The following USH1C variants were observed in gnomAD, a reference collection of about 807,000 sequenced individuals.
USH1C encodes USH1 protein network component harmonin.
A neutral mutation model predicts 119.3 loss-of-function variants in USH1C; 90 were observed. The observed-to-expected ratio is 0.75, with a 90% confidence interval of 0.64 to 0.90. USH1C has a LOEUF of 0.90. Among genes scored for constraint, USH1C ranks in the 40% least tolerant of loss-of-function variants. The probability of loss-of-function intolerance (pLI) is 0.00; values close to 1 mark genes in which losing one functional copy is unlikely to be tolerated. For synonymous variants in USH1C, 465 were observed against 443.3 expected (o/e 1.05, Z -0.62); for missense variants, 1,165 against 1,167.7 (o/e 1.00, Z 0.03).
chr11:17,526,627 C>A, intron 7 of USH1C, 126 bp downstream of exon 7: 1 of 1,221,740 alleles, frequency 8.2e-7, no homozygotes, highest in South Asian at 1.3e-5. Context: ...GGTGTGCTGG[C>A]TGCCCTGGGA....
intron 1 of USH1C, among the ~76,000 whole-genome samples, chr11:17,540,508 C>G (rs1851420247): frequency 6.6e-6 from 1 of 152,164 alleles, no homozygotes; most frequent in Non-Finnish European, 1.5e-5. Context: ...CCCCCAAGGA[C>G]CTACCGATGC....
In USH1C at chr11:17,522,054, A is replaced by G. The variant is rs531335317; in HGVS notation, c.1020-643T>C. On this transcript the variant is annotated intron_variant, in intron 12 of 26. Transcript: ENST00000005226. Reference sequence around the variant, plus strand: ...CACCATGCTGGCCAGGCTGGTCTCGAACTCCTGACCTCAGATGATCTGCCG... The same window carrying G: ...CACCATGCTGGCCAGGCTGGTCTCGGACTCCTGACCTCAGATGATCTGCCG... 2.0e-5 allele frequency among the ~76,000 whole-genome samples: 3 copies of G among 152,180 alleles called. No homozygotes were observed. In the East Asian group the frequency reaches 5.8e-4, roughly 29 times the overall value.
At chr11:17,524,338 A>G in intron 9 of USH1C, 113 bp downstream of exon 9, 1 of 1,152,670 alleles carries the variant, frequency 8.7e-7, no homozygotes, top group South Asian at 1.3e-5. Context: ...CTACTCCCTC[A>G]GTGTCCACTG....
intron 25 of USH1C, 106 bp downstream of exon 25, chr11:17,496,652 G>C: frequency 7.2e-7 from 1 of 1,391,324 alleles, no homozygotes; most frequent in South Asian, 1.2e-5. Context: ...GCGTGCTTGG[G>C]CCATTCCTTC....
chr11:17,512,305 C>G (rs1849929970), intron 15 of USH1C, among the ~76,000 whole-genome samples: 1 of 152,286 alleles, frequency 6.6e-6, no homozygotes, highest in Non-Finnish European at 1.5e-5. Context: ...AGCTGTGTGG[C>G]CTTGGCTAAG....
intron 4 of USH1C, among the ~76,000 whole-genome samples, chr11:17,527,645 C>T (rs1003691190): frequency 6.6e-6 from 1 of 152,166 alleles, no homozygotes; most frequent in South Asian, 2.1e-4. Context: ...CTCTAGTGCC[C>T]CTTTCACTCC....
At chr11:17,541,364 C>G (rs928040675) in intron 1 of USH1C, among the ~76,000 whole-genome samples, 2 of 152,190 alleles carry the variant, frequency 1.3e-5, no homozygotes, top group African/African-American at 4.8e-5. Context: ...ATATTAAGGG[C>G]TCAGTCAATA....
Position 17,522,819 on chromosome 11 carries a change from G to A in USH1C, c.984C>T (p.Asn328=), listed in dbSNP as rs1328527104. 6.2e-7 allele frequency: 1 copy of A among 1,614,000 alleles called. No homozygotes were observed. The highest frequency in any genetic ancestry group is 8.5e-7 in the Non-Finnish European group (1 of 1,179,996). ...LMQKRLAMES[N]KILQEQQEME... is the part of the protein sequence containing the mutation. ...TCTCCTGCTGCTCCTGGAGGATCTT[G>A]TTGGACTCCATCGCCAGCCGCTTCT... is the stretch of plus-strand genomic sequence containing the variant. The change falls in exon 12 of 27, where the codon AAC becomes AAT. Residue 328 remains asparagine (N), a synonymous_variant. Transcript: ENST00000005226.
chr11:17,517,465 C>T lies in USH1C; in HGVS notation c.1211-1175G>A, dbSNP rs143923730. On this transcript the variant is annotated intron_variant, in intron 14 of 26. Coordinates refer to ENST00000005226, the MANE Select transcript of USH1C (RefSeq NM_153676.4). ...TGCGGGCTCGAGCTCAGGTTCCACT[C>T]CCTGATCATCTACCCAGGGAAAAGA... The T allele has an allele frequency of 9.5e-5, 152 of 1,592,746 alleles. 1 individual carries two copies. In the East Asian group the frequency reaches 1.8e-3, roughly 19 times the overall value.
chr11:17,523,552 C>G (rs1458603706), intron 9 of USH1C, 74 bp from the exon 10 acceptor site: 2 of 1,465,020 alleles, frequency 1.4e-6, no homozygotes, highest in Non-Finnish European at 1.9e-6. Flanking sequence ...ACAGGCTCCC[C>G]CAGGGGCTCT....
Position 17,505,961 on chromosome 11 carries a change from G to C in USH1C, c.2014-12C>G. On this transcript the variant is annotated splice_polypyrimidine_tract_variant and intron_variant, in intron 18 of 26. Coordinates refer to ENST00000005226, the MANE Select transcript of USH1C (RefSeq NM_153676.4). Reference sequence around the variant, plus strand: ...CTTGGGCAAAATGTCTAAGGAGTTAGTTTAACAGGGACCCAGGTGAGGTCA... The same window carrying C: ...CTTGGGCAAAATGTCTAAGGAGTTACTTTAACAGGGACCCAGGTGAGGTCA... 1 of 1,614,190 alleles carries C rather than the reference G, an allele frequency of 6.2e-7. No homozygotes were observed. Among genetic ancestry groups the C allele is most frequent in the Non-Finnish European group, 8.5e-7 (1 of 1,180,030 alleles).
At chr11:17,498,956 C>A (rs930662046) in intron 23 of USH1C, among the ~76,000 whole-genome samples, 2 of 152,212 alleles carry the variant, frequency 1.3e-5, no homozygotes, top group Non-Finnish European at 2.9e-5. Context: ...AATAGGACCT[C>A]AGTAGATATT....
At chr11:17,511,391 G>C (rs1265143278) in intron 16 of USH1C, among the ~76,000 whole-genome samples, 1 of 152,100 alleles carries the variant, frequency 6.6e-6, no homozygotes, top group Non-Finnish European at 1.5e-5. Context: ...GAGTGATTCA[G>C]ACTCGTAGAC....
Position 17,509,424 on chromosome 11 carries a change from C to T in USH1C, c.1945G>A (p.Ala649Thr). ...GTGGGCTTCCCACTGTGGTTCTTTG[C>T]CTCCCAGTCCTCCACTGGATTGCCT... Reference protein sequence around the residue: ...DTGNPVEDWEAKNHSGKPTNS... With the variant: ...DTGNPVEDWETKNHSGKPTNS... The change falls in exon 18 of 27, where the codon GCA becomes ACA. Residue 649 changes from alanine to threonine, a missense_variant. Transcript: ENST00000005226. 6.2e-7 allele frequency: 1 copy of T among 1,607,094 alleles called. No individual in the cohort carries two copies. The highest frequency in any genetic ancestry group is 8.5e-7 in the Non-Finnish European group (1 of 1,175,170).
rs1192640079 is a variant in USH1C at position 17,531,839 on chromosome 11, G to A, written c.105-297C>T. On this transcript the variant is annotated intron_variant, in intron 2 of 26. Transcript: ENST00000005226. The surrounding 1 kb of genome is among the most constrained non-coding windows in gnomAD (Gnocchi z 4.2). ...CTCGGCTGTTGGGATCTTTCCAGAGGGGAAAGCTCTGTGTGAGATGCTGAC... is the reference window on the plus strand; with the variant it reads ...CTCGGCTGTTGGGATCTTTCCAGAGAGGAAAGCTCTGTGTGAGATGCTGAC... Among the ~76,000 whole-genome samples the A allele has an allele frequency of 1.3e-5, 2 of 152,124 alleles. No homozygotes were observed. Among genetic ancestry groups the A allele is most frequent in the Non-Finnish European group, 2.9e-5 (2 of 68,022 alleles).
intron 1 of USH1C, among the ~76,000 whole-genome samples, chr11:17,537,967 C>A (rs961095722): frequency 6.6e-6 from 1 of 152,134 alleles, no homozygotes; most frequent in Non-Finnish European, 1.5e-5. Flanking sequence ...TTCAATCTAC[C>A]ACATGGTATC....
At position 17,526,340 on chromosome 11, in the gene USH1C, C is replaced by T. The variant is rs1288069343; in HGVS notation, c.674+7G>A. On this transcript the variant is annotated splice_region_variant and intron_variant, in intron 8 of 26. Transcript: ENST00000005226. ...ACGAATGACCCCAGGGCATGCCTGC[C>T]ACCCACCTGCAGCCAAGGCCTCGGG... is the stretch of plus-strand genomic sequence containing the variant. 2 of 1,612,144 alleles carry T rather than the reference C, an allele frequency of 1.2e-6. No individual in the cohort carries two copies. Among genetic ancestry groups the T allele is most frequent in the South Asian group, 1.1e-5 (1 of 91,032 alleles).
At position 17,522,934 on chromosome 11, in the gene USH1C, G is replaced by C. The variant is rs1244654849; in HGVS notation, c.877-8C>G. 2.5e-6 allele frequency: 4 copies of C among 1,609,404 alleles called. No homozygotes were observed. Among genetic ancestry groups the C allele is most frequent in the Non-Finnish European group, 3.4e-6 (4 of 1,178,112 alleles). ...CATGAACAGCTCCCGGCCCTCATGG[G>C]AGAAAAGAGGCCCCTTGCTCAGCCC... is the stretch of plus-strand genomic sequence containing the variant. On this transcript the variant is annotated splice_polypyrimidine_tract_variant and splice_region_variant and intron_variant, in intron 11 of 26. Coordinates refer to ENST00000005226, the MANE Select transcript of USH1C (RefSeq NM_153676.4).
At position 17,509,447 on chromosome 11, in the gene USH1C, C is replaced by A. The variant is rs774944818; in HGVS notation, c.1922G>T (p.Gly641Val). 1.2e-6 allele frequency: 2 copies of A among 1,612,372 alleles called. No homozygotes were observed. The highest frequency in any genetic ancestry group is 2.2e-5 in the South Asian group (2 of 90,896). ...TGCCTCCCAGTCCTCCACTGGATTGCCTGTGTCCCCAGTGCGGAAGGGATG... is the reference window on the plus strand; with the variant it reads ...TGCCTCCCAGTCCTCCACTGGATTGACTGTGTCCCCAGTGCGGAAGGGATG... Reference protein sequence around the residue: ...SNHPFRTGDTGNPVEDWEAKN... With the variant: ...SNHPFRTGDTVNPVEDWEAKN... The change falls in exon 18 of 27, where the codon GGC (glycine) becomes GTC (valine). Residue 641 changes from glycine to valine, a missense_variant. Physicochemically the swap from Gly to Val is moderately radical, Grantham distance 109. Transcript: ENST00000005226.
Sources: allele counts gnomAD v4.1 joint callset (sites outside exome capture counted in the v4.1 genomes callset), GRCh38; gene constraint gnomAD v4.1.1; non-coding constraint Gnocchi (gnomAD v3.1); transcripts MANE v1.5; gene names NCBI Gene and HGNC (gene_info 2026-07-23, HGNC 2026-07-21).